Variants in FAM193A observed in about 807,000 individuals in gnomAD.
The protein encoded by FAM193A is family with sequence similarity 193 member A.
In FAM193A, 22 loss-of-function variants were observed where a neutral mutation model predicts 126.5. The observed-to-expected ratio is 0.17, with a 90% CI of 0.12 to 0.25. The LOEUF (loss-of-function observed/expected upper bound fraction) is 0.25, where lower values mean the gene tolerates loss of function less well. Ranked by LOEUF, FAM193A falls within the 10% of genes least tolerant of loss-of-function variation. The pLI, the probability that FAM193A is intolerant of heterozygous loss-of-function variation, is 1.00. For synonymous variants in FAM193A, 761 were observed against 646.8 expected (o/e 1.18, Z -2.68); for missense variants, 1,675 against 1,672.8 (o/e 1.00, Z -0.02).
intron 13 of FAM193A, among the ~76,000 whole-genome samples, chr4:2,687,555 C>T (rs1030734088): frequency 6.6e-6 from 1 of 152,180 alleles, no homozygotes; most frequent in Non-Finnish European, 1.5e-5. Context: ...ACCGTGCCTC[C>T]TCATAGTGGA....
chr4:2,715,431 A>G (rs1719435188), intron 19 of FAM193A: 17 of 862,504 alleles, frequency 2.0e-5, no homozygotes, highest in Non-Finnish European at 2.4e-5. Flanking sequence ...CCTGGGTGAC[A>G]GAATGAGACT....
In FAM193A at chr4:2,722,134, G is replaced by A. The variant is rs1202553122; in HGVS notation, c.4454+6030G>A. Among the ~76,000 whole-genome samples, 5 of 152,302 alleles carry A rather than the reference G, an allele frequency of 3.3e-5. No homozygotes were observed. The South Asian group carries it at 8.3e-4, about 25-fold the overall frequency. ...TTGGGAGAGGACAGCACGGCGCCAC[G>A]GTTAGCAGTGTCAGGTTTTGTGACC... On this transcript the variant is annotated intron_variant, in intron 20 of 20. Transcript: ENST00000637812.
intron 2 of FAM193A, among the ~76,000 whole-genome samples, chr4:2,598,784 C>G (rs1399141115): frequency 1.3e-5 from 2 of 152,234 alleles, no homozygotes; most frequent in Non-Finnish European, 2.9e-5. Flanking sequence ...TGGGCTGTCT[C>G]TAGCACTGTG....
intron 1 of FAM193A, among the ~76,000 whole-genome samples, chr4:2,554,374 G>C (rs846084): frequency 0.25 from 38,332 of 151,984 alleles, 5,278 homozygotes; most frequent in Middle Eastern, 0.37. Context: ...TGAAACCACC[G>C]TGTCCGGCCA....
intron 1 of FAM193A, among the ~76,000 whole-genome samples, chr4:2,587,534 A>G (rs1740300331): frequency 6.6e-6 from 1 of 152,046 alleles, no homozygotes; most frequent in Admixed American, 6.6e-5. Flanking sequence ...TCTGCTAAAA[A>G]TACAAAAATT....
At chr4:2,730,109 T>C (rs577618584) in intron 20 of FAM193A, among the ~76,000 whole-genome samples, 1 of 152,128 alleles carries the variant, frequency 6.6e-6, no homozygotes, top group African/African-American at 2.4e-5. Flanking sequence ...AGTCTCACTG[T>C]GTTGCACGGG....
At chr4:2,689,407 C>A in intron 13 of FAM193A, 99 bp from the exon 14 acceptor site, 1 of 839,142 alleles carries the variant, frequency 1.2e-6, no homozygotes, top group Non-Finnish European at 1.8e-6. Flanking sequence ...GAGCACATCC[C>A]ATGAGGCTCA....
intron 2 of FAM193A, among the ~76,000 whole-genome samples, chr4:2,610,803 T>A (rs1282450900): frequency 6.6e-6 from 1 of 152,116 alleles, no homozygotes; most frequent in Non-Finnish European, 1.5e-5. Flanking sequence ...AATGGCGCGA[T>A]CTCGGCTCAC....
chr4:2,693,959 G>A, intron 16 of FAM193A, 85 bp downstream of exon 16: 1 of 1,393,218 alleles, frequency 7.2e-7, no homozygotes, highest in Non-Finnish European at 9.9e-7. Flanking sequence ...AAACTCCCCT[G>A]GGACCATGCA....
rs375143004 is a variant in FAM193A at position 2,700,275 on chromosome 4, G to A, written c.4103G>A (p.Arg1368Gln). 5.0e-5 allele frequency: 81 copies of A among 1,613,906 alleles called. No homozygotes were observed. Among genetic ancestry groups the A allele is most frequent in the Non-Finnish European group, 6.4e-5 (76 of 1,180,032 alleles). Reference sequence around the variant, plus strand: ...GCCACAGAGGGGCAGTCCAAGCCCCGGGCCCAGACTGAGTCAAAGGCTAAG... The same window carrying A: ...GCCACAGAGGGGCAGTCCAAGCCCCAGGCCCAGACTGAGTCAAAGGCTAAG... ...PKATEGQSKPRAQTESKAKVV... is the reference protein window; with the variant it reads ...PKATEGQSKPQAQTESKAKVV... Residue 1368 changes from arginine to glutamine, a missense_variant, in exon 19 of 21, where the codon CGG becomes CAG. Coordinates refer to ENST00000637812, the MANE Select transcript of FAM193A (RefSeq NM_001366318.2).
At chr4:2,708,742 G>T (rs1009751300) in intron 19 of FAM193A, among the ~76,000 whole-genome samples, 6 of 152,130 alleles carry the variant, frequency 3.9e-5, no homozygotes, top group African/African-American at 7.2e-5. Context: ...GAATTAACAG[G>T]TGTGAGCCCC....
intron 2 of FAM193A, among the ~76,000 whole-genome samples, chr4:2,600,862 A>G (rs1275364714): frequency 6.6e-6 from 1 of 152,158 alleles, no homozygotes; most frequent in Non-Finnish European, 1.5e-5. Context: ...CCTCCCCTTC[A>G]CAGCCATGTA....
At chr4:2,563,537 A>ACG (rs1738756980) in intron 1 of FAM193A, among the ~76,000 whole-genome samples, 2 of 142,050 alleles carry the variant, frequency 1.4e-5, no homozygotes, top group Non-Finnish European at 3.1e-5. Flanking sequence ...AAAAAAAACA[A>ACG]AAAAAAAAAC....
At chr4:2,723,010 G>A (rs1158301051) in intron 20 of FAM193A, among the ~76,000 whole-genome samples, 8 of 152,018 alleles carry the variant, frequency 5.3e-5, no homozygotes. Flanking sequence ...GCAGTGGCTC[G>A]CACCTGTAAT....
intron 4 of FAM193A, 99 bp downstream of exon 4, chr4:2,626,676 T>G: frequency 1.6e-6 from 1 of 616,792 alleles, no homozygotes; most frequent in Non-Finnish European, 3.0e-6. Flanking sequence ...CTTACAGTGC[T>G]CAGCTGGGTT....
chr4:2,548,111 C>T (rs1206798904), intron 1 of FAM193A, among the ~76,000 whole-genome samples: 1 of 142,322 alleles, frequency 7.0e-6, no homozygotes, highest in Non-Finnish European at 1.5e-5. Flanking sequence ...TTGCTCTTGT[C>T]CCCAGGCTGG....
chr4:2,541,247 G>A (rs1212287599), intron 1 of FAM193A, among the ~76,000 whole-genome samples: 1 of 151,686 alleles, frequency 6.6e-6, no homozygotes, highest in Non-Finnish European at 1.5e-5. Context: ...CAGGAGAATT[G>A]CTTGAACCTG....
Position 2,692,991 on chromosome 4 carries a change from C to T in FAM193A, c.2804-595C>T, listed in dbSNP as rs1002285611. Among the ~76,000 whole-genome samples the T allele has an allele frequency of 3.9e-5, 6 of 152,032 alleles. 1 individual carries two copies. The highest frequency in any genetic ancestry group is 2.0e-4 in the Admixed American group (3 of 15,264). Reference sequence around the variant, plus strand: ...GCCCTGGTGAGAGGATTGCTTGAGCCCAGGGGTTCAGGACCAGCCTGGACA... The same window carrying T: ...GCCCTGGTGAGAGGATTGCTTGAGCTCAGGGGTTCAGGACCAGCCTGGACA... On this transcript the variant is annotated intron_variant, in intron 15 of 20. Coordinates refer to ENST00000637812, the MANE Select transcript of FAM193A (RefSeq NM_001366318.2).
chr4:2,644,244 T>A (rs916510442), intron 6 of FAM193A, among the ~76,000 whole-genome samples: 5 of 152,170 alleles, frequency 3.3e-5, no homozygotes, highest in Admixed American at 3.3e-4. Context: ...TGCTCTCCCT[T>A]GGCTCAAAAT....
Sources: gnomAD v4.1 joint callset for allele counts (sites outside exome capture counted in the v4.1 genomes callset) on GRCh38, gnomAD v4.1.1 for gene constraint, MANE v1.5 for transcripts, NCBI Gene and HGNC (gene_info 2026-07-23, HGNC 2026-07-21) for gene names.